Variants in TENM1 observed in about 807,000 individuals in gnomAD.
TENM1 encodes teneurin transmembrane protein 1, also known as teneurin-1.
TENM1 carries 35 observed loss-of-function variants against 174.8 expected under a neutral mutation model. The ratio of observed to expected loss-of-function variants is 0.20; its 90% CI spans 0.15 to 0.27. The LOEUF (loss-of-function observed/expected upper bound fraction) is 0.27. TENM1 is among the 10% of genes least tolerant of loss of function. The pLI is 1.00. For synonymous variants in TENM1, 781 were observed against 798.7 expected (o/e 0.98, Z 0.37); for missense variants, 1,633 against 2,130.1 (o/e 0.77, Z 4.59).
At chrX:124,753,327 T>G (rs1173205889) in intron 3 of TENM1, among the ~76,000 whole-genome samples, 5 of 107,766 alleles carry the variant, frequency 4.6e-5, no homozygotes, top group Admixed American at 1.0e-4. Context: ...GTGATTTTTG[T>G]ACATTGATTT....
rs780514055 is a variant in TENM1, at chrX:124,862,319, T to C, written c.535+31977A>G. ...GAACCAAAAATCAGGTGAGCACTCATAGTACCTGGTTTTAACTTCATATTG... is the reference window on the plus strand; with the variant it reads ...GAACCAAAAATCAGGTGAGCACTCACAGTACCTGGTTTTAACTTCATATTG... On this transcript the variant is annotated intron_variant, in intron 3 of 31. Transcript: ENST00000422452. Among the ~76,000 whole-genome samples the C allele has an allele frequency of 3.6e-5, 4 of 111,756 alleles. No homozygotes were observed. The East Asian group carries it at 8.5e-4, about 24-fold the overall frequency.
the TENM1 span, among the ~76,000 whole-genome samples, chrX:125,173,863 A>G: frequency 8.9e-6 from 1 of 111,814 alleles, no homozygotes; most frequent in East Asian, 2.8e-4. Context: ...TGCTATGGGC[A>G]AGGCCACATA....
the TENM1 span, among the ~76,000 whole-genome samples, chrX:125,063,291 C>T: frequency 1.8e-5 from 2 of 111,458 alleles, no homozygotes; most frequent in African/African-American, 6.5e-5. Context: ...TTTTTTTGCA[C>T]CAAAATAAAA....
At chrX:124,972,149 C>T in the TENM1 span, among the ~76,000 whole-genome samples, 2 of 108,866 alleles carry the variant, frequency 1.8e-5, no homozygotes, top group Non-Finnish European at 3.8e-5. Flanking sequence ...AGGAGAATTG[C>T]TTGAACCTGG....
At chrX:124,450,082 T>C (rs1200723745) in intron 23 of TENM1, among the ~76,000 whole-genome samples, 2 of 110,924 alleles carry the variant, frequency 1.8e-5, no homozygotes, top group Admixed American at 9.6e-5. Context: ...GATTGAATTA[T>C]GGGGGCGGGT....
At chrX:124,848,542 T>G (rs1334850878) in intron 3 of TENM1, among the ~76,000 whole-genome samples, 1 of 111,572 alleles carries the variant, frequency 9.0e-6, no homozygotes, top group Non-Finnish European at 1.9e-5. Context: ...AAATATCAGA[T>G]AGCTTCCATT....
At chrX:125,017,607 G>A in the TENM1 span, among the ~76,000 whole-genome samples, 30 of 111,585 alleles carry the variant, frequency 2.7e-4, no homozygotes, top group African/African-American at 9.8e-4. Context: ...CAATAGCAAA[G>A]ACTTGGAACC....
At chrX:124,878,634 A>G (rs113524654) in intron 3 of TENM1, among the ~76,000 whole-genome samples, 2,614 of 111,083 alleles carry the variant, frequency 0.024, 78 homozygotes, top group African/African-American at 0.081. Flanking sequence ...CCTCATGAGA[A>G]GCCAAGCAGA....
chrX:124,377,666 C>T (rs549393854), exon 32 of TENM1: 1 of 111,643 alleles, frequency 9.0e-6, no homozygotes, highest in African/African-American at 3.2e-5. Flanking sequence ...ATGGAGTATT[C>T]CCTGCCTCCA....
At chrX:125,201,426 G>C in the TENM1 span, among the ~76,000 whole-genome samples, 1 of 112,175 alleles carries the variant, frequency 8.9e-6, no homozygotes, top group Non-Finnish European at 1.9e-5. Context: ...TAGCCTCACT[G>C]TATATTTTGT....
At chrX:124,808,367 G>A (rs2055670430) in intron 3 of TENM1, among the ~76,000 whole-genome samples, 1 of 111,763 alleles carries the variant, frequency 8.9e-6, no homozygotes, top group Non-Finnish European at 1.9e-5. Context: ...GAGATAGACT[G>A]CAATACAACA....
the TENM1 span, among the ~76,000 whole-genome samples, chrX:124,998,660 T>C: frequency 9.0e-6 from 1 of 111,051 alleles, no homozygotes; most frequent in African/African-American, 3.3e-5. Context: ...AGGCAGAGTA[T>C]TTAAGTAACT....
At chrX:124,409,793 C>T (rs1257019935) in intron 25 of TENM1, among the ~76,000 whole-genome samples, 1 of 108,228 alleles carries the variant, frequency 9.2e-6, no homozygotes, top group Non-Finnish European at 1.9e-5. Flanking sequence ...AATAAAATAC[C>T]TAGGAATCCA....
chrX:124,514,007 T>C (rs2047641668), intron 18 of TENM1, among the ~76,000 whole-genome samples: 1 of 108,766 alleles, frequency 9.2e-6, no homozygotes, highest in Non-Finnish European at 1.9e-5. Context: ...GAGTGGGGAG[T>C]GACTGCTAAT....
chrX:125,159,433 C>G, the TENM1 span, among the ~76,000 whole-genome samples: 1 of 112,220 alleles, frequency 8.9e-6, no homozygotes, highest in East Asian at 2.8e-4. Flanking sequence ...CCTCTAAGAA[C>G]TGGTGTTATA....
intron 5 of TENM1, among the ~76,000 whole-genome samples, chrX:124,681,293 A>C (rs183971532): frequency 1.8e-5 from 2 of 111,692 alleles, no homozygotes; most frequent in Non-Finnish European, 3.8e-5. Context: ...AAAACTATGA[A>C]ACCTTCTCAT....
chrX:124,907,048 A>G (rs1455326313), intron 1 of TENM1, among the ~76,000 whole-genome samples: 1 of 111,374 alleles, frequency 9.0e-6, no homozygotes. Flanking sequence ...CAACTCGTAT[A>G]CTCTATATAT....
rs866730457 is a variant in TENM1 at position 124,421,027 on chromosome X, A to G, written c.4472-206T>C. Among the ~76,000 whole-genome samples the G allele has an allele frequency of 3.6e-5, 4 of 112,394 alleles. No homozygotes were observed. In the South Asian group the frequency reaches 1.5e-3, roughly 42 times the overall value. Reference sequence around the variant, plus strand: ...GTCAGTACCACTGCAGATGAACAGTAAGATCTAATTATCTCAGTTATACCA... The same window carrying G: ...GTCAGTACCACTGCAGATGAACAGTGAGATCTAATTATCTCAGTTATACCA... On this transcript the variant is annotated intron_variant, in intron 24 of 31. Coordinates refer to ENST00000422452, the Ensembl canonical transcript of TENM1.
chrX:124,815,984 T>G (rs1449787168), intron 3 of TENM1, among the ~76,000 whole-genome samples: 1 of 111,939 alleles, frequency 8.9e-6, no homozygotes, highest in African/African-American at 3.2e-5. Flanking sequence ...TAAAAGAATT[T>G]TAAAATATTG....
Sources: allele counts gnomAD v4.1 joint callset (sites outside exome capture counted in the v4.1 genomes callset), GRCh38; gene constraint gnomAD v4.1.1; transcripts MANE v1.5; gene names NCBI Gene and HGNC (gene_info 2026-07-23, HGNC 2026-07-21).